The following ERH variants were observed in gnomAD, a reference collection of about 807,000 sequenced individuals.
ERH encodes enhancer of rudimentary homolog.
A neutral mutation model predicts 16.8 loss-of-function variants in ERH; 1 was observed. That is an observed-to-expected ratio of 0.06 (90% CI 0.02 to 0.28). ERH has a LOEUF of 0.28. Among genes scored for constraint, ERH ranks in the 10% least tolerant of loss-of-function variants. ERH has a pLI of 1.00. For missense variants in ERH, 42 were observed against 127.5 expected (o/e 0.33, Z 3.23); for synonymous variants, 43 against 43.6 (o/e 0.99, Z 0.05).
rs375091016 is a variant in ERH at position 69,398,250 on chromosome 14, C to T, written c.-17G>A. 168 of 1,613,880 alleles carry T rather than the reference C, an allele frequency of 1.0e-4. No individual in the cohort carries two copies. In the African/African-American group the frequency reaches 1.9e-3, roughly 19 times the overall value. The stretch of plus-strand genomic sequence containing the variant: ...TCTCACCATCGCGCCAAACTCTCTT[C>T]GCTACAGCAGCTGCCGACACCGCCG... On this transcript the variant is annotated 5_prime_UTR_variant, in exon 1 of 4. Transcript: ENST00000557016.
At chr14:69,388,437 T>C (rs1168910744) in intron 2 of ERH, among the ~76,000 whole-genome samples, 3 of 152,148 alleles carry the variant, frequency 2.0e-5, no homozygotes, top group Non-Finnish European at 4.4e-5. Flanking sequence ...CTTGGCTCAC[T>C]GCAACCTCCG....
intron 3 of ERH, among the ~76,000 whole-genome samples, chr14:69,381,204 C>G (rs375056247): frequency 2.6e-5 from 4 of 152,112 alleles, no homozygotes; most frequent in African/African-American, 9.6e-5. Context: ...TTGCTTCAAC[C>G]GGTGGAGGAT....
chr14:69,389,908 G>A (rs1391702867), intron 2 of ERH, among the ~76,000 whole-genome samples: 6 of 152,022 alleles, frequency 3.9e-5, no homozygotes, highest in African/African-American at 7.3e-5. Flanking sequence ...ACAGGTACGC[G>A]CCACCATGCC....
chr14:69,380,283 T>A lies in ERH; in HGVS notation c.*255A>T, dbSNP rs2045852893. On this transcript the variant is annotated 3_prime_UTR_variant, in exon 4 of 4. Transcript: ENST00000557016. The stretch of plus-strand genomic sequence containing the variant: ...TTGAAGGACTGGAACCAACATTAAG[T>A]GACGAAGAACAACTTCCATCTAAAT... The A allele has an allele frequency of 2.8e-6, 1 of 357,894 alleles. No individual in the cohort carries two copies. The highest frequency in any genetic ancestry group is 5.0e-6 in the Non-Finnish European group (1 of 199,418). 22.2% of individuals were successfully genotyped at this position (357,894 alleles called of 1,614,324 possible).
chr14:69,396,501 T>A (rs916670168), intron 1 of ERH, among the ~76,000 whole-genome samples: 3 of 152,232 alleles, frequency 2.0e-5, no homozygotes, highest in Admixed American at 2.0e-4. Flanking sequence ...CCTCAGGTGA[T>A]CTGCCTGCCT....
rs200305666 is a variant in ERH at position 69,394,813 on chromosome 14, T to C, written c.91+12A>G. On this transcript the variant is annotated intron_variant, in intron 2 of 3. Coordinates refer to ENST00000557016, the MANE Select transcript of ERH (RefSeq NM_004450.3). ...AGACATTTTTCTACCCCTTGATTAGTGTTAAACTCACCTTCCATGCATTCA... is the reference window on the plus strand; with the variant it reads ...AGACATTTTTCTACCCCTTGATTAGCGTTAAACTCACCTTCCATGCATTCA... 23 of 1,597,690 alleles carry C rather than the reference T, an allele frequency of 1.4e-5. No individual in the cohort carries two copies. In the East Asian group the frequency reaches 4.7e-4, roughly 33 times the overall value.
At chr14:69,392,821 G>T (rs1260855694) in intron 2 of ERH, among the ~76,000 whole-genome samples, 1 of 152,152 alleles carries the variant, frequency 6.6e-6, no homozygotes, top group Non-Finnish European at 1.5e-5. Context: ...TGTAGTTTCT[G>T]TTCAATTTTT....
chr14:69,387,740 T>C (rs987131895), intron 2 of ERH, among the ~76,000 whole-genome samples: 4 of 149,018 alleles, frequency 2.7e-5, no homozygotes, highest in Non-Finnish European at 5.9e-5. Flanking sequence ...ATTATCCTAA[T>C]GTATATTTAA....
intron 3 of ERH, among the ~76,000 whole-genome samples, chr14:69,385,238 C>T (rs983808860): frequency 3.3e-5 from 5 of 152,214 alleles, no homozygotes; most frequent in African/African-American, 9.7e-5. Context: ...CCCATGATCA[C>T]AATGACTGAT....
intron 2 of ERH, among the ~76,000 whole-genome samples, chr14:69,387,599 G>A (rs2045899849): frequency 6.6e-6 from 1 of 150,836 alleles, no homozygotes; most frequent in South Asian, 2.1e-4. Context: ...AACCACTGGA[G>A]CTAAGGGGCT....
At chr14:69,393,259 G>T in intron 2 of ERH, among the ~76,000 whole-genome samples, 1 of 152,226 alleles carries the variant, frequency 6.6e-6, no homozygotes, top group East Asian at 1.9e-4. Context: ...AGAAGTTGCA[G>T]TGAGCTGAGA....
At chr14:69,382,585 G>A (rs557805898) in intron 3 of ERH, among the ~76,000 whole-genome samples, 1 of 151,868 alleles carries the variant, frequency 6.6e-6, no homozygotes, top group African/African-American at 2.4e-5. Flanking sequence ...TGTAATCCCA[G>A]CACTTTGGGA....
intron 2 of ERH, among the ~76,000 whole-genome samples, chr14:69,393,693 C>T (rs1379409834): frequency 4.6e-5 from 7 of 152,182 alleles, no homozygotes; most frequent in Non-Finnish European, 8.8e-5. Context: ...AAAATCACTA[C>T]TGCGTACAAT....
intron 2 of ERH, among the ~76,000 whole-genome samples, chr14:69,389,166 A>G (rs2045909676): frequency 6.6e-6 from 1 of 152,056 alleles, no homozygotes; most frequent in East Asian, 1.9e-4. Flanking sequence ...AGCTGAGATT[A>G]CAGGTGTGTG....
chr14:69,390,353 C>G (rs1457916389), intron 2 of ERH, among the ~76,000 whole-genome samples: 1 of 152,184 alleles, frequency 6.6e-6, no homozygotes, highest in Non-Finnish European at 1.5e-5. Flanking sequence ...GTATTGGCAT[C>G]AGGATAGGTA....
rs770649759 is a variant in ERH at position 69,380,562 on chromosome 14, C to A, written c.291G>T (p.Arg97=). 6.2e-7 allele frequency: 1 copy of A among 1,609,900 alleles called. No homozygotes were observed. Among genetic ancestry groups the A allele is most frequent in the Non-Finnish European group, 8.5e-7 (1 of 1,176,994 alleles). ...IKEKIYVLLR[R]QAQQAGK ...ATTATTTCCCAGCCTGTTGGGCCTG[C>A]CGACGAAGGAGCACGTAGATCTTCT... Residue 97 remains arginine (R), a synonymous_variant, in exon 4 of 4, where the codon CGG becomes CGT. Coordinates refer to ENST00000557016, the MANE Select transcript of ERH (RefSeq NM_004450.3).
At chr14:69,394,746 A>T in intron 2 of ERH, 79 bp downstream of exon 2, 6 of 310,876 alleles carry the variant, frequency 1.9e-5, no homozygotes, top group Non-Finnish European at 2.5e-5. Flanking sequence ...ATGGACTATT[A>T]AAAAAAAAAA....
chr14:69,391,316 C>G (rs1235525095), intron 2 of ERH, among the ~76,000 whole-genome samples: 3 of 152,056 alleles, frequency 2.0e-5, no homozygotes, highest in Non-Finnish European at 4.4e-5. Context: ...ATCAGCTATG[C>G]AGCCACACAC....
chr14:69,380,708 T>C lies in ERH; in HGVS notation c.213-68A>G. 1.2e-5 allele frequency: 10 copies of C among 856,564 alleles called. No homozygotes were observed. The South Asian group carries it at 1.4e-4, about 12-fold the overall frequency. 53.1% of individuals were successfully genotyped at this position (856,564 alleles called of 1,614,324 possible). A position where few individuals can be genotyped will look rare whatever the true frequency, so the allele number is the denominator to read the frequency against. On this transcript the variant is annotated intron_variant, in intron 3 of 3. Coordinates refer to ENST00000557016, the MANE Select transcript of ERH (RefSeq NM_004450.3). ...ACTGCCAGGTGTTTAAATCCCCAAA[T>C]TATAACTGCCCAATGATGGCATAGA...
Sources: gnomAD v4.1 joint callset for allele counts (sites outside exome capture counted in the v4.1 genomes callset) on GRCh38, gnomAD v4.1.1 for gene constraint, MANE v1.5 for transcripts, NCBI Gene and HGNC (gene_info 2026-07-23, HGNC 2026-07-21) for gene names.